Variants in VPS54 observed in about 807,000 individuals in gnomAD.
The protein encoded by VPS54 is VPS54 subunit of GARP complex, also known as vacuolar protein sorting-associated protein 54.
A neutral mutation model predicts 121.5 loss-of-function variants in VPS54; 45 were observed. That is an observed-to-expected ratio of 0.37 (90% CI 0.29 to 0.47). VPS54 has a LOEUF of 0.47. VPS54 is among the 20% of genes least tolerant of loss of function. The pLI is 0.99. For missense variants in VPS54, 1,090 were observed against 1,131.4 expected (o/e 0.96, Z 0.52); for synonymous variants, 371 against 385.8 (o/e 0.96, Z 0.45).
At chr2:63,958,141 G>C (rs1026036927) in intron 7 of VPS54, among the ~76,000 whole-genome samples, 1 of 152,044 alleles carries the variant, frequency 6.6e-6, no homozygotes, top group Non-Finnish European at 1.5e-5. Context: ...TCTTGTCCAA[G>C]ACATTTAAAT....
chr2:63,909,066 T>A (rs1226078934), intron 20 of VPS54, among the ~76,000 whole-genome samples: 2 of 152,214 alleles, frequency 1.3e-5, no homozygotes, highest in African/African-American at 4.8e-5. Context: ...GCATGCCTCA[T>A]TCATAAAACT....
At chr2:64,017,919 C>T (rs1413696301) in intron 1 of VPS54, among the ~76,000 whole-genome samples, 1 of 152,238 alleles carries the variant, frequency 6.6e-6, no homozygotes, top group East Asian at 1.9e-4. Context: ...ACTACAAATA[C>T]AGTCAAACAA....
At chr2:63,960,895 A>G (rs1376387726) in intron 7 of VPS54, among the ~76,000 whole-genome samples, 1 of 152,208 alleles carries the variant, frequency 6.6e-6, no homozygotes, top group Non-Finnish European at 1.5e-5. Context: ...TTTTATGTAC[A>G]GGTATATTTT....
chr2:63,988,856 C>T (rs562350092), intron 1 of VPS54, among the ~76,000 whole-genome samples: 1 of 152,190 alleles, frequency 6.6e-6, no homozygotes, highest in Admixed American at 6.5e-5. Context: ...GGGAGATAAC[C>T]ATTAGGTCTG....
chr2:63,993,961 G>C (rs1677455828), intron 1 of VPS54, among the ~76,000 whole-genome samples: 3 of 152,116 alleles, frequency 2.0e-5, no homozygotes, highest in African/African-American at 7.2e-5. Context: ...TTTAAATATT[G>C]TCTCTGATTC....
chr2:63,895,893 C>T (rs1052936435), intron 22 of VPS54, among the ~76,000 whole-genome samples: 13 of 152,304 alleles, frequency 8.5e-5, no homozygotes, highest in African/African-American at 2.6e-4. Context: ...AGCTTGGGTG[C>T]TTCAGAACTA....
chr2:63,965,923 A>G lies in VPS54; in HGVS notation c.536T>C (p.Phe179Ser). 1 of 1,612,260 alleles carries G rather than the reference A, an allele frequency of 6.2e-7. No individual in the cohort carries two copies. Among genetic ancestry groups the G allele is most frequent in the Non-Finnish European group, 8.5e-7 (1 of 1,179,572 alleles). Reference sequence around the variant, plus strand: ...ATGAGACCATGGTAAAACTGAATTAAAAGTTAAGGAATCATCCAAGGCAAA... The same window carrying G: ...ATGAGACCATGGTAAAACTGAATTAGAAGTTAAGGAATCATCCAAGGCAAA... ...PDFALDDSLT[F>S]NSVLPWSHFN... The change falls in exon 6 of 23, where the codon TTT (phenylalanine) becomes TCT (serine). Residue 179 changes from phenylalanine to serine, a missense_variant. Around this residue, in one of 2 missense-constraint regions of VPS54, gnomAD observed 801 missense variants for 757.0 expected, o/e 1.06. Transcript: ENST00000272322.
intron 1 of VPS54, among the ~76,000 whole-genome samples, chr2:63,997,713 C>G (rs1441467554): frequency 6.6e-6 from 1 of 151,820 alleles, no homozygotes; most frequent in Non-Finnish European, 1.5e-5. Flanking sequence ...CTGCTCTGAG[C>G]TTTGTTATTT....
intron 1 of VPS54, among the ~76,000 whole-genome samples, chr2:63,991,477 G>A (rs998154353): frequency 2.6e-5 from 4 of 152,292 alleles, no homozygotes; most frequent in African/African-American, 9.6e-5. Context: ...GGGCCATGAA[G>A]GACCAATCAA....
intron 1 of VPS54, among the ~76,000 whole-genome samples, chr2:64,012,778 C>T (rs1678490177): frequency 6.6e-6 from 1 of 151,998 alleles, no homozygotes; most frequent in South Asian, 2.1e-4. Context: ...TACTTCTCAC[C>T]TCCCCTTCAT....
At chr2:63,994,788 T>C (rs1437838019) in intron 1 of VPS54, among the ~76,000 whole-genome samples, 1 of 152,136 alleles carries the variant, frequency 6.6e-6, no homozygotes, top group African/African-American at 2.4e-5. Flanking sequence ...ATCTAAAACC[T>C]TAATTTGGGA....
intron 5 of VPS54, among the ~76,000 whole-genome samples, chr2:63,966,976 C>G (rs1365979967): frequency 2.0e-5 from 3 of 152,154 alleles, no homozygotes; most frequent in Non-Finnish European, 4.4e-5. Flanking sequence ...CATAATGACT[C>G]CCATCTCTGA....
chr2:63,906,150 A>C (rs2104417290), intron 20 of VPS54, among the ~76,000 whole-genome samples: 1 of 152,346 alleles, frequency 6.6e-6, no homozygotes, highest in East Asian at 1.9e-4. Flanking sequence ...CACCAATTTT[A>C]TTCAACGTTG....
intron 4 of VPS54, 38 bp from the exon 5 acceptor site, chr2:63,969,029 T>A (rs776883005): frequency 5.9e-6 from 9 of 1,534,040 alleles, no homozygotes; most frequent in Non-Finnish European, 8.0e-6. Flanking sequence ...TTTTAAAACT[T>A]GTTTTCATTT....
intron 14 of VPS54, 144 bp from the exon 15 acceptor site, chr2:63,920,139 G>C (rs1673574311): frequency 1.7e-6 from 1 of 601,780 alleles, no homozygotes; most frequent in Non-Finnish European, 2.7e-6. Flanking sequence ...CCAATACTTA[G>C]AAAATAGTTC....
chr2:63,921,610 C>T (rs1411504590), intron 12 of VPS54, among the ~76,000 whole-genome samples: 1 of 152,078 alleles, frequency 6.6e-6, no homozygotes, highest in East Asian at 1.9e-4. Flanking sequence ...TTACTGAAAC[C>T]TCAAACTCCT....
At chr2:63,953,126 A>ATTTTTTTTTTTT (rs1194371865) in intron 7 of VPS54, among the ~76,000 whole-genome samples, 1 of 119,228 alleles carries the variant, frequency 8.4e-6, no homozygotes, top group East Asian at 2.5e-4. Context: ...GAAATTTTTA[A>ATTTTTTTTTTTT]TTTTTTTTTT....
At chr2:63,917,782 G>A (rs1228799114) in intron 15 of VPS54, among the ~76,000 whole-genome samples, 1 of 151,992 alleles carries the variant, frequency 6.6e-6, no homozygotes, top group Non-Finnish European at 1.5e-5. Flanking sequence ...GTAGAAAAGA[G>A]AAATGGCCCT....
chr2:63,933,638 A>C (rs1316497815), intron 12 of VPS54, 35 bp downstream of exon 12: 1 of 1,573,550 alleles, frequency 6.4e-7, no homozygotes, highest in Non-Finnish European at 8.7e-7. Context: ...GATGACTCAA[A>C]ATCTTGTCAA....
Sources: allele counts gnomAD v4.1 joint callset (sites outside exome capture counted in the v4.1 genomes callset), GRCh38; gene constraint gnomAD v4.1.1; regional missense constraint gnomAD v4.1.1; transcripts MANE v1.5; gene names NCBI Gene and HGNC (gene_info 2026-07-23, HGNC 2026-07-21).